KHDRBS2: variants seen among roughly 807,000 people sequenced by gnomAD.
KHDRBS2 encodes the protein KH domain-containing, RNA-binding, signal transduction-associated protein 2.
In KHDRBS2, 26 loss-of-function variants were observed where a neutral mutation model predicts 44.3. The ratio of observed to expected loss-of-function variants is 0.59; its 90% confidence interval spans 0.43 to 0.81. KHDRBS2 has a LOEUF of 0.81. KHDRBS2 is among the 40% of genes least tolerant of loss of function. KHDRBS2 has a pLI of 0.00. For synonymous variants in KHDRBS2, 194 were observed against 151.1 expected (o/e 1.28, Z -2.08); for missense variants, 476 against 433.1 (o/e 1.10, Z -0.88).
intron 3 of KHDRBS2, among the ~76,000 whole-genome samples, chr6:62,002,921 T>C (rs1778523059): frequency 6.6e-6 from 1 of 152,076 alleles, no homozygotes; most frequent in Non-Finnish European, 1.5e-5. Context: ...ACTGAGACAA[T>C]TAAAATTTCA....
intron 6 of KHDRBS2, among the ~76,000 whole-genome samples, chr6:61,759,746 G>A (rs1035603946): frequency 1.3e-5 from 2 of 152,266 alleles, no homozygotes; most frequent in African/African-American, 4.8e-5. Flanking sequence ...AAACAGGAAG[G>A]CCCTCTGATA....
chr6:62,077,002 C>T (rs1648505104), intron 2 of KHDRBS2, among the ~76,000 whole-genome samples: 1 of 151,862 alleles, frequency 6.6e-6, no homozygotes, highest in South Asian at 2.1e-4. Flanking sequence ...ACTATGATTC[C>T]ATCACTCTGC....
At chr6:61,695,014 T>TC (rs1767751367) in intron 8 of KHDRBS2, among the ~76,000 whole-genome samples, 1 of 152,116 alleles carries the variant, frequency 6.6e-6, no homozygotes, top group South Asian at 2.1e-4. Flanking sequence ...TTATTTACTT[T>TC]TTTTCCTGAA....
chr6:61,761,512 T>C (rs980167410), intron 6 of KHDRBS2, among the ~76,000 whole-genome samples: 1 of 152,182 alleles, frequency 6.6e-6, no homozygotes, highest in Non-Finnish European at 1.5e-5. Context: ...ATTTACAAAA[T>C]GGAATTGCAG....
At chr6:61,878,855 A>G (rs1326836500) in intron 6 of KHDRBS2, among the ~76,000 whole-genome samples, 1 of 152,024 alleles carries the variant, frequency 6.6e-6, no homozygotes, top group East Asian at 1.9e-4. Context: ...TAAAATGGGC[A>G]TAATACCAAT....
intron 3 of KHDRBS2, among the ~76,000 whole-genome samples, chr6:62,021,203 A>T (rs890544923): frequency 6.6e-6 from 1 of 151,996 alleles, no homozygotes; most frequent in Admixed American, 6.6e-5. Context: ...TGGGAGCTAA[A>T]TGATGAGAAC....
chr6:62,176,238 C>G (rs1821069531), intron 2 of KHDRBS2, among the ~76,000 whole-genome samples: 1 of 151,336 alleles, frequency 6.6e-6, no homozygotes, highest in Non-Finnish European at 1.5e-5. Flanking sequence ...CTATGTAACA[C>G]AGCTTTCATG....
At chr6:61,678,881 G>T (rs2127536768), downstream of KHDRBS2, 1 of 151,894 alleles carries the variant, frequency 6.6e-6, no homozygotes, top group East Asian at 1.9e-4. Flanking sequence ...CAAAAAATAA[G>T]CTTACCTCCA....
At chr6:61,942,942 AAAAG>A (rs1033859179) in intron 4 of KHDRBS2, among the ~76,000 whole-genome samples, 20 of 150,994 alleles carry the variant, frequency 1.3e-4, no homozygotes, top group Admixed American at 6.0e-4. Flanking sequence ...AAGAAAAAGA[AAAAG>A]AAAGAAAGAA....
chr6:62,227,972 C>T lies in KHDRBS2; in HGVS notation c.92-50660G>A, dbSNP rs114467049. The stretch of plus-strand genomic sequence containing the variant: ...CATTGATGTTCATCATGGATATTGG[C>T]CTGAAATTTTTTGTTGTTGTTGTTT... On this transcript the variant is annotated intron_variant, in intron 1 of 8. Transcript: ENST00000281156. 2.5e-3 allele frequency among the ~76,000 whole-genome samples: 382 copies of T among 152,164 alleles called. 3 individuals carry two copies. Among genetic ancestry groups the T allele is most frequent in the African/African-American group, 8.4e-3 (350 of 41,514 alleles).
At chr6:61,997,753 T>TTG (rs1777468654) in intron 3 of KHDRBS2, among the ~76,000 whole-genome samples, 1 of 152,152 alleles carries the variant, frequency 6.6e-6, no homozygotes, top group Admixed American at 6.6e-5. Flanking sequence ...TCTCAAGGCC[T>TTG]TGTTCCCTAC....
chr6:62,199,143 C>A (rs1205387669), intron 1 of KHDRBS2, among the ~76,000 whole-genome samples: 2 of 152,040 alleles, frequency 1.3e-5, no homozygotes, highest in Non-Finnish European at 2.9e-5. Context: ...ATTGGATGGG[C>A]AAAAACTGGA....
chr6:61,687,871 T>C (rs1204122), intron 8 of KHDRBS2, among the ~76,000 whole-genome samples: 93,600 of 151,414 alleles, frequency 0.62, 30,008 homozygotes, highest in Non-Finnish European at 0.7. Context: ...ATAATTTTTA[T>C]CAGCTTCTGT....
intron 4 of KHDRBS2, among the ~76,000 whole-genome samples, chr6:61,935,040 T>C (rs1198634628): frequency 1.3e-5 from 2 of 152,320 alleles, no homozygotes; most frequent in South Asian, 2.1e-4. Flanking sequence ...TTTAGAGTTC[T>C]AGCAAGAAAG....
intron 7 of KHDRBS2, among the ~76,000 whole-genome samples, chr6:61,702,813 G>A (rs574896537): frequency 9.6e-4 from 146 of 151,858 alleles, no homozygotes; most frequent in Middle Eastern, 3.4e-3. Flanking sequence ...ACTTATTTAC[G>A]TATTAATCTA....
chr6:62,117,131 T>A (rs755078422), intron 2 of KHDRBS2, among the ~76,000 whole-genome samples: 2 of 152,178 alleles, frequency 1.3e-5, no homozygotes, highest in Non-Finnish European at 2.9e-5. Flanking sequence ...GATTTCTAGA[T>A]CATATGGTAA....
chr6:62,142,940 TTTAA>T (rs1439922904), intron 2 of KHDRBS2, among the ~76,000 whole-genome samples: 1 of 149,126 alleles, frequency 6.7e-6, no homozygotes, highest in East Asian at 1.9e-4. Context: ...AAGAATTTAT[TTTAA>T]TTAATCAATA....
intron 6 of KHDRBS2, among the ~76,000 whole-genome samples, chr6:61,888,162 G>A (rs555731194): frequency 6.6e-6 from 1 of 152,118 alleles, no homozygotes; most frequent in African/African-American, 2.4e-5. Flanking sequence ...TGTCCTTGGG[G>A]CTGGGTCCCC....
intron 3 of KHDRBS2, among the ~76,000 whole-genome samples, chr6:62,038,993 T>C (rs2055501): frequency 0.77 from 116,836 of 151,926 alleles, 45,732 homozygotes; most frequent in Non-Finnish European, 0.84. Context: ...TTCTTTCTAA[T>C]ATTCAATTAT....
Sources: allele counts gnomAD v4.1 joint callset (sites outside exome capture counted in the v4.1 genomes callset), GRCh38; gene constraint gnomAD v4.1.1; transcripts MANE v1.5; gene names NCBI Gene and HGNC (gene_info 2026-07-23, HGNC 2026-07-21).